The following TRPC5 variants were observed in gnomAD, a reference collection of about 807,000 sequenced individuals.
TRPC5 encodes the protein short transient receptor potential channel 5.
TRPC5 carries 9 observed loss-of-function variants against 56.5 expected under a neutral mutation model. That is an observed-to-expected ratio of 0.16 (90% confidence interval 0.10 to 0.28). The LOEUF (loss-of-function observed/expected upper bound fraction) is 0.28, where lower values mean the gene tolerates loss of function less well. TRPC5 is among the 10% of genes least tolerant of loss of function. TRPC5 has a pLI of 1.00. For synonymous variants in TRPC5, 282 were observed against 278.5 expected, an observed-to-expected ratio of 1.01 and a Z score of -0.13; for missense variants, 469 against 748.9, an observed-to-expected ratio of 0.63 and a Z score of 4.36.
chrX:111,826,830 G>C (rs1334526443), intron 7 of TRPC5, among the ~76,000 whole-genome samples: 1 of 111,748 alleles, frequency 8.9e-6, no homozygotes, highest in African/African-American at 3.3e-5. Flanking sequence ...AAGAAATTAG[G>C]GCAGATATTG....
intron 1 of TRPC5, among the ~76,000 whole-genome samples, chrX:112,012,262 C>T (rs763234983): frequency 3.6e-5 from 4 of 112,012 alleles, no homozygotes; most frequent in African/African-American, 1.3e-4. Context: ...GTGGGTTTGT[C>T]GGTAAAATGG....
intron 6 of TRPC5, among the ~76,000 whole-genome samples, chrX:111,836,127 T>C (rs1922557846): frequency 8.9e-6 from 1 of 111,761 alleles, no homozygotes; most frequent in Non-Finnish European, 1.9e-5. Context: ...ACTATATTGA[T>C]GGCTTCTCAA....
At position 111,772,906 on chromosome X, in the gene TRPC5, A is replaced by G. The variant is rs941375117; in HGVS notation, c.*3407T>C. 1.8e-5 allele frequency among the ~76,000 whole-genome samples: 2 copies of G among 111,514 alleles called. No homozygotes were observed. Among genetic ancestry groups the G allele is most frequent in the African/African-American group, 6.5e-5 (2 of 30,708 alleles). The stretch of plus-strand genomic sequence containing the variant: ...AATGGTCATTTGTATTTTCAGGCTA[A>G]GGTTTGGCCTCATATTTATCTCTAA... On this transcript the variant is annotated 3_prime_UTR_variant, in exon 11 of 11. Coordinates refer to ENST00000262839, the MANE Select transcript of TRPC5 (RefSeq NM_012471.3).
intron 1 of TRPC5, among the ~76,000 whole-genome samples, chrX:111,962,577 G>A (rs1367642639): frequency 2.7e-5 from 3 of 112,142 alleles, no homozygotes; most frequent in Non-Finnish European, 3.7e-5. Flanking sequence ...AGCAAATAAA[G>A]TGGTTTCTTG....
chrX:111,909,517 G>C (rs1412523801), intron 3 of TRPC5, among the ~76,000 whole-genome samples: 1 of 110,227 alleles, frequency 9.1e-6, no homozygotes, highest in Admixed American at 9.8e-5. Flanking sequence ...TAATTCCACT[G>C]AACTGTAAAC....
rs1292623087 is a variant in TRPC5, at chrX:111,775,609, T to C, written c.*704A>G. 1.8e-5 allele frequency: 2 copies of C among 112,308 alleles called. No individual in the cohort carries two copies. The highest frequency in any genetic ancestry group is 1.9e-4 in the Admixed American group (2 of 10,498). The allele number at this position is 112,308 out of a possible 1,213,427, so 9.3% of individuals were successfully genotyped here. ...ACAGAAAAATAATTCGCCTAACTTA[T>C]TAGATATGACATATACTATGGGGTA... On this transcript the variant is annotated 3_prime_UTR_variant, in exon 11 of 11. Coordinates refer to ENST00000262839, the MANE Select transcript of TRPC5 (RefSeq NM_012471.3).
At chrX:111,969,392 A>G (rs760855179) in intron 1 of TRPC5, among the ~76,000 whole-genome samples, 39 of 112,139 alleles carry the variant, frequency 3.5e-4, no homozygotes, top group Non-Finnish European at 6.9e-4. Flanking sequence ...AATACCTCCG[A>G]GGTATGCTTG....
chrX:111,910,444 C>A (rs1925779139), intron 3 of TRPC5, among the ~76,000 whole-genome samples: 1 of 112,144 alleles, frequency 8.9e-6, no homozygotes. Flanking sequence ...TTTACTATAT[C>A]TATTACCTGC....
chrX:111,865,482 A>T (rs371989019), intron 3 of TRPC5, among the ~76,000 whole-genome samples: 29 of 109,332 alleles, frequency 2.7e-4, no homozygotes, highest in African/African-American at 9.0e-4. Flanking sequence ...GCACACCACC[A>T]CGCCTGGCTA....
intron 3 of TRPC5, among the ~76,000 whole-genome samples, chrX:111,887,316 C>A (rs1924554183): frequency 8.9e-6 from 1 of 112,033 alleles, no homozygotes; most frequent in South Asian, 3.7e-4. Context: ...GAGAGAGTGC[C>A]ATTTGGGAAT....
intron 2 of TRPC5, among the ~76,000 whole-genome samples, chrX:111,919,164 T>G (rs994829554): frequency 2.7e-5 from 3 of 111,314 alleles, no homozygotes; most frequent in Admixed American, 1.9e-4. Context: ...AACTTTTCTA[T>G]CTTATAAGAG....
intron 1 of TRPC5, among the ~76,000 whole-genome samples, chrX:112,013,776 A>G (rs183537060): frequency 9.0e-6 from 1 of 111,610 alleles, no homozygotes; most frequent in Non-Finnish European, 1.9e-5. Context: ...CAAGCACATT[A>G]TATGATTTGG....
intron 1 of TRPC5, among the ~76,000 whole-genome samples, chrX:111,989,735 C>T (rs951553820): frequency 8.9e-6 from 1 of 112,039 alleles, no homozygotes; most frequent in Non-Finnish European, 1.9e-5. Flanking sequence ...AAATGTGATG[C>T]TTTCACACAG....
intron 1 of TRPC5, among the ~76,000 whole-genome samples, chrX:111,986,416 T>C (rs1233733013): frequency 9.1e-6 from 1 of 110,482 alleles, no homozygotes; most frequent in Admixed American, 9.7e-5. Context: ...TTCTGGAGTA[T>C]AGTATACCTC....
intron 1 of TRPC5, among the ~76,000 whole-genome samples, chrX:111,971,661 G>A (rs1927788201): frequency 9.0e-6 from 1 of 111,607 alleles, no homozygotes; most frequent in South Asian, 3.8e-4. Context: ...GGAGTATGTT[G>A]TTATAAGAGG....
intron 7 of TRPC5, among the ~76,000 whole-genome samples, chrX:111,802,353 CTT>C (rs199754442): frequency 4.3e-3 from 480 of 111,227 alleles, no homozygotes; most frequent in African/African-American, 0.015. Flanking sequence ...TTTGGGGTCT[CTT>C]ATATTTGTAT....
chrX:111,802,354 T>C (rs1268405722), intron 7 of TRPC5, among the ~76,000 whole-genome samples: 1 of 110,844 alleles, frequency 9.0e-6, no homozygotes, highest in Non-Finnish European at 1.9e-5. Flanking sequence ...TTGGGGTCTC[T>C]TATATTTGTA....
chrX:112,075,047 C>T (rs776561459), intron 1 of TRPC5, among the ~76,000 whole-genome samples: 3 of 112,634 alleles, frequency 2.7e-5, no homozygotes, highest in African/African-American at 9.7e-5. Flanking sequence ...GATGTATAAA[C>T]AAATATACAT....
At chrX:112,055,537 T>C (rs981146961) in intron 1 of TRPC5, among the ~76,000 whole-genome samples, 5 of 110,442 alleles carry the variant, frequency 4.5e-5, no homozygotes, top group Admixed American at 2.0e-4. Flanking sequence ...AAAGAACATT[T>C]CTCTCTCTAA....
Sources: gnomAD v4.1 joint callset for allele counts (sites outside exome capture counted in the v4.1 genomes callset) on GRCh38, gnomAD v4.1.1 for gene constraint, MANE v1.5 for transcripts, NCBI Gene and HGNC (gene_info 2026-07-23, HGNC 2026-07-21) for gene names.